Variants in DPPA4 observed in about 807,000 individuals in gnomAD.
DPPA4 encodes the protein developmental pluripotency-associated protein 4.
DPPA4 carries 22 observed loss-of-function variants against 33.7 expected under a neutral mutation model. The ratio of observed to expected loss-of-function variants is 0.65; its 90% CI spans 0.47 to 0.93. DPPA4 has a LOEUF of 0.93. Among genes scored for constraint, DPPA4 ranks in the 40% least tolerant of loss-of-function variants. DPPA4 has a pLI of 0.00. For synonymous variants in DPPA4, 156 were observed against 132.3 expected, an observed-to-expected ratio of 1.18 and a Z score of -1.23; for missense variants, 340 against 358.6, an observed-to-expected ratio of 0.95 and a Z score of 0.42.
Position 109,328,118 on chromosome 3 carries a change from C to T in DPPA4, c.879-94G>A, listed in dbSNP as rs1707976864. 8.6e-6 allele frequency: 7 copies of T among 815,422 alleles called. No individual in the cohort carries two copies. The East Asian group carries it at 1.7e-4, about 20-fold the overall frequency. The allele number at this position is 815,422 out of a possible 1,614,324, so 50.5% of individuals were successfully genotyped here. On this transcript the variant is annotated intron_variant, in intron 6 of 6. Transcript: ENST00000335658. Reference sequence around the variant, plus strand: ...CTGCTGGAATGCTGTTGAAATTGCCCTTACAACTTTAGGATCATAGGTAGC... The same window carrying T: ...CTGCTGGAATGCTGTTGAAATTGCCTTTACAACTTTAGGATCATAGGTAGC...
chr3:109,328,515 T>C (rs1429599386), intron 6 of DPPA4, among the ~76,000 whole-genome samples: 6 of 152,174 alleles, frequency 3.9e-5, no homozygotes, highest in African/African-American at 1.4e-4. Context: ...TTAAGGAACC[T>C]CTTCTTTGAT....
chr3:109,328,545 G>C (rs1270665285), intron 6 of DPPA4, among the ~76,000 whole-genome samples: 1 of 152,006 alleles, frequency 6.6e-6, no homozygotes, highest in Admixed American at 6.6e-5. Context: ...GTTATTCTAG[G>C]TGTTTACATG....
In DPPA4 at chr3:109,332,085, A is replaced by T. The variant is rs1024502944; in HGVS notation, c.179-54T>A. On this transcript the variant is annotated intron_variant, in intron 2 of 6. Coordinates refer to ENST00000335658, the MANE Select transcript of DPPA4 (RefSeq NM_018189.4). Reference sequence around the variant, plus strand: ...TAATTATCTTTGTGTAGCTTTTCTGAATTTCAAAAGTAAAATCACTTTTTT... The same window carrying T: ...TAATTATCTTTGTGTAGCTTTTCTGTATTTCAAAAGTAAAATCACTTTTTT... 4 of 1,454,964 alleles carry T rather than the reference A, an allele frequency of 2.7e-6. No individual in the cohort carries two copies. The African/African-American group carries it at 5.7e-5, about 21-fold the overall frequency. The allele number at this position is 1,454,964 out of a possible 1,614,324, so 90.1% of individuals were successfully genotyped here. A position where few individuals can be genotyped will look rare whatever the true frequency, so the allele number is the denominator to read the frequency against.
At chr3:109,338,505 G>C (rs1347761542), upstream of DPPA4, among the ~76,000 whole-genome samples, 1 of 152,176 alleles carries the variant, frequency 6.6e-6, no homozygotes, top group Non-Finnish European at 1.5e-5. Flanking sequence ...CCTTGTCAGG[G>C]TCCAAAGTCT....
intron 5 of DPPA4, 62 bp from the exon 6 acceptor site, chr3:109,329,150 C>G (rs887563013): frequency 2.7e-5 from 40 of 1,459,194 alleles, no homozygotes; most frequent in Non-Finnish European, 3.6e-5. Context: ...TGATGTAAGA[C>G]TGCATTATGG....
rs1707969186 is a variant in DPPA4 at position 109,327,757 on chromosome 3, A to G, written c.*231T>C. 1.1e-5 allele frequency: 5 copies of G among 438,092 alleles called. 1 individual carries two copies. In the South Asian group the frequency reaches 1.9e-4, roughly 16 times the overall value. 27.1% of individuals were successfully genotyped at this position (438,092 alleles called of 1,614,324 possible). ...TTTTTCTACATATTAACTACAATTT[A>G]TGGTAATTTGTGAAATGTTTTTCCA... is the stretch of plus-strand genomic sequence containing the variant. On this transcript the variant is annotated 3_prime_UTR_variant, in exon 7 of 7. Coordinates refer to ENST00000335658, the MANE Select transcript of DPPA4 (RefSeq NM_018189.4).
intron 5 of DPPA4, 64 bp downstream of exon 5, chr3:109,330,460 T>C: frequency 6.3e-7 from 1 of 1,579,778 alleles, no homozygotes; most frequent in Non-Finnish European, 8.7e-7. Flanking sequence ...AATGTACCAG[T>C]GATTAATATC....
chr3:109,337,331 TAAA>T (rs533418571), intron 1 of DPPA4, 130 bp downstream of exon 1: 14 of 612,532 alleles, frequency 2.3e-5, no homozygotes, highest in Non-Finnish European at 3.0e-5. Flanking sequence ...ACTCTTAAAA[TAAA>T]AAAAAAAAAA....
intron 5 of DPPA4, 191 bp downstream of exon 5, chr3:109,330,325 AAAAAAAGG>A: frequency 5.7e-6 from 2 of 353,410 alleles, no homozygotes; most frequent in African/African-American, 6.2e-5. Flanking sequence ...AAAAAAAAAA[AAAAAAAGG>A]AAAAAAAAAA....
At chr3:109,332,100 A>G (rs1708093731) in intron 2 of DPPA4, 69 bp from the exon 3 acceptor site, 2 of 1,403,750 alleles carry the variant, frequency 1.4e-6, no homozygotes, top group Admixed American at 4.5e-5. Flanking sequence ...CAAAAGTAAA[A>G]TCACTTTTTT....
rs764680501 is a variant in DPPA4, at chr3:109,331,765, C to T, written c.359G>A (p.Arg120His). ...SKGQKLDAYK[R>H]LCAFAYPNQK... is the part of the protein sequence containing the mutation. ...ATTTGGGTAGGCAAAGGCACACAGG[C>T]GCTTATATGCATCCAATTTCTAAGA... Residue 120 changes from arginine to histidine, a missense_variant, in exon 4 of 7, where the codon CGC becomes CAC. Physicochemically the swap from Arg to His is conservative, Grantham distance 29. Transcript: ENST00000335658. 4 of 1,613,866 alleles carry T rather than the reference C, an allele frequency of 2.5e-6. No individual in the cohort carries two copies. The highest frequency in any genetic ancestry group is 2.2e-5 in the East Asian group (1 of 44,872).
intron 1 of DPPA4, among the ~76,000 whole-genome samples, chr3:109,336,023 C>T (rs1045932013): frequency 6.6e-6 from 1 of 151,390 alleles, no homozygotes; most frequent in Non-Finnish European, 1.5e-5. Context: ...CGTGGTGGTG[C>T]GTGCCTGCAA....
intron 6 of DPPA4, 21 bp from the exon 7 acceptor site, chr3:109,328,045 T>TTGTTTTTAAAAAGAA: frequency 2.1e-6 from 3 of 1,429,298 alleles, no homozygotes; most frequent in Non-Finnish European, 2.9e-6. Flanking sequence ...AATAAAGTAT[T>TTGTTTTTAAAAAGAA]TGTTTTTAAA....
At chr3:109,335,007 G>A (rs1266309933) in intron 1 of DPPA4, among the ~76,000 whole-genome samples, 3 of 151,972 alleles carry the variant, frequency 2.0e-5, no homozygotes, top group Non-Finnish European at 4.4e-5. Context: ...TTCATCATAG[G>A]CACTCAATAA....
chr3:109,337,420 A>G, intron 1 of DPPA4, 44 bp downstream of exon 1: 1 of 1,591,046 alleles, frequency 6.3e-7, no homozygotes, highest in Non-Finnish European at 8.6e-7. Context: ...GAAGACAGAA[A>G]CACAAAGACA....
At chr3:109,338,355 C>G (rs539666432), upstream of DPPA4, among the ~76,000 whole-genome samples, 16 of 152,204 alleles carry the variant, frequency 1.1e-4, 1 homozygote, top group South Asian at 1.9e-3. Context: ...TAAGTGAACC[C>G]CTAACCTACT....
At chr3:109,328,118 C>A (rs1707976864) in intron 6 of DPPA4, 94 bp from the exon 7 acceptor site, 3 of 815,306 alleles carry the variant, frequency 3.7e-6, no homozygotes, top group Non-Finnish European at 6.2e-6. Flanking sequence ...TGAAATTGCC[C>A]TTACAACTTT....
intron 1 of DPPA4, among the ~76,000 whole-genome samples, chr3:109,334,310 G>C (rs1041717806): frequency 6.6e-6 from 1 of 152,180 alleles, no homozygotes; most frequent in African/African-American, 2.4e-5. Flanking sequence ...GCTATAGGAG[G>C]CCTAGGCAAG....
chr3:109,331,564 A>AAAAAAAAAAAAAAAAAAAAAAAAAAAAAG (rs1559708949), intron 4 of DPPA4, among the ~76,000 whole-genome samples, 170 bp downstream of exon 4: 1 of 106,108 alleles, frequency 9.4e-6, no homozygotes, highest in Non-Finnish European at 1.9e-5. Context: ...AAAAAAAAAA[A>AAAAAAAAAAAAAAAAAAAAAAAAAAAAAG]AAAGAAAGAA....
Sources: gnomAD v4.1 joint callset for allele counts (sites outside exome capture counted in the v4.1 genomes callset) on GRCh38, gnomAD v4.1.1 for gene constraint, MANE v1.5 for transcripts, NCBI Gene and HGNC (gene_info 2026-07-23, HGNC 2026-07-21) for gene names.